Variants in DAB1 observed in about 807,000 individuals in gnomAD.
DAB1 encodes DAB adaptor protein 1.
In DAB1, 15 loss-of-function variants were observed where a neutral mutation model predicts 64.6. That is an observed-to-expected ratio of 0.23 (90% CI 0.16 to 0.36). The LOEUF (loss-of-function observed/expected upper bound fraction) is 0.36. Among genes scored for constraint, DAB1 ranks in the 10% least tolerant of loss-of-function variants. DAB1 has a pLI of 1.00. For synonymous variants in DAB1, 235 were observed against 251.9 expected (o/e 0.93, Z 0.64); for missense variants, 596 against 706.7 (o/e 0.84, Z 1.78).
intron 7 of DAB1, among the ~76,000 whole-genome samples, chr1:57,515,217 T>C (rs1644450078): frequency 1.3e-5 from 2 of 152,202 alleles, no homozygotes; most frequent in Non-Finnish European, 2.9e-5. Flanking sequence ...AATCAAGCCC[T>C]GTAGCAATAT....
At chr1:58,249,146 G>A (rs1040541655) in intron 4 of DAB1, among the ~76,000 whole-genome samples, 1 of 152,026 alleles carries the variant, frequency 6.6e-6, no homozygotes, top group Non-Finnish European at 1.5e-5. Flanking sequence ...ATACTGCGCT[G>A]CCAAGGGTTA....
intron 7 of DAB1, among the ~76,000 whole-genome samples, chr1:57,504,986 GATGATGAA>G (rs1197228320): frequency 2.0e-5 from 3 of 152,182 alleles, no homozygotes; most frequent in Non-Finnish European, 2.9e-5. Context: ...AAGAAGACAT[GATGATGAA>G]ATGCACTGTG....
At chr1:58,101,711 T>G (rs1651335345) in intron 5 of DAB1, among the ~76,000 whole-genome samples, 1 of 152,248 alleles carries the variant, frequency 6.6e-6, no homozygotes, top group South Asian at 2.1e-4. Context: ...ACTTTCTTTA[T>G]CTGTAAATAT....
At chr1:57,182,141 T>G (rs1478327793) in intron 2 of DAB1, among the ~76,000 whole-genome samples, 1 of 152,170 alleles carries the variant, frequency 6.6e-6, no homozygotes, top group Non-Finnish European at 1.5e-5. Context: ...CGCCTTGGCC[T>G]CCCAAATTGT....
At chr1:58,017,448 C>G (rs1188001) in intron 5 of DAB1, among the ~76,000 whole-genome samples, 60,191 of 151,976 alleles carry the variant, frequency 0.4, 12,886 homozygotes, top group East Asian at 0.68. Flanking sequence ...CAAAATCATG[C>G]ATGGTCAGGT....
Position 58,389,093 on chromosome 1 carries a change from A to G in DAB1, n.258-45690T>C, listed in dbSNP as rs41447944. ...TGGAGGGTCATCAATCCTTCATGAA[A>G]ACACGTGCTTTCCAGTTGTTTGGCA... On this transcript the variant is annotated intron_variant and non_coding_transcript_variant, in intron 3 of 20. Transcript: ENST00000485760. Among the ~76,000 whole-genome samples, 740 of 152,248 alleles carry G rather than the reference A, an allele frequency of 4.9e-3. 4 individuals carry two copies. Among genetic ancestry groups the G allele is most frequent in the African/African-American group, 0.017 (721 of 41,556 alleles).
rs749525027 is a variant in DAB1, at chr1:58,506,256, A to G, written n.108-47T>C. The G allele has an allele frequency of 6.2e-6, 5 of 812,198 alleles. No individual in the cohort carries two copies. The Admixed American group carries it at 9.8e-5, about 16-fold the overall frequency. 50.3% of individuals were successfully genotyped at this position (812,198 alleles called of 1,614,324 possible). A position where few individuals can be genotyped will look rare whatever the true frequency, so the allele number is the denominator to read the frequency against. ...CCACACAATGAGCTCAGTTTTGAGG[A>G]TTTTTTAAAAACTACTACTTTATTT... On this transcript the variant is annotated intron_variant and non_coding_transcript_variant, in intron 2 of 20. Transcript: ENST00000485760.
chr1:57,758,062 C>T (rs1402826405), intron 6 of DAB1, among the ~76,000 whole-genome samples: 1 of 152,196 alleles, frequency 6.6e-6, no homozygotes, highest in Non-Finnish European at 1.5e-5. Context: ...AGCAATTCTG[C>T]TGCCTCAGCC....
At chr1:57,237,476 T>G (rs1668180172) in intron 2 of DAB1, among the ~76,000 whole-genome samples, 1 of 152,210 alleles carries the variant, frequency 6.6e-6, no homozygotes, top group Non-Finnish European at 1.5e-5. Flanking sequence ...GAAATAGATT[T>G]CCTTTCTCTC....
intron 7 of DAB1, among the ~76,000 whole-genome samples, chr1:57,432,973 TATC>T (rs1338821773): frequency 6.6e-6 from 1 of 152,162 alleles, no homozygotes; most frequent in Non-Finnish European, 1.5e-5. Context: ...AAACTTAAAA[TATC>T]ATTTATAATA....
chr1:57,926,426 G>T (rs1408460580), intron 5 of DAB1, among the ~76,000 whole-genome samples: 1 of 152,108 alleles, frequency 6.6e-6, no homozygotes, highest in Non-Finnish European at 1.5e-5. Context: ...CTGGACTTAG[G>T]GGCCTGGAGC....
At chr1:57,735,119 A>G (rs1190529806) in intron 6 of DAB1, among the ~76,000 whole-genome samples, 1 of 152,140 alleles carries the variant, frequency 6.6e-6, no homozygotes, top group African/African-American at 2.4e-5. Context: ...CAATTCCCCA[A>G]TGCCATTTCC....
chr1:57,423,036 G>A (rs1408404140), intron 1 of DAB1, among the ~76,000 whole-genome samples: 1 of 151,590 alleles, frequency 6.6e-6, no homozygotes, highest in African/African-American at 2.4e-5. Flanking sequence ...CCTTTCAGAC[G>A]CCGCGACACG....
intron 6 of DAB1, among the ~76,000 whole-genome samples, chr1:57,713,808 T>C (rs1647052860): frequency 6.6e-6 from 1 of 152,148 alleles, no homozygotes; most frequent in African/African-American, 2.4e-5. Flanking sequence ...AGCCTAGTAA[T>C]CATGAAAAGA....
chr1:57,720,700 A>G (rs148917651), intron 6 of DAB1, among the ~76,000 whole-genome samples: 4 of 152,370 alleles, frequency 2.6e-5, no homozygotes, highest in Non-Finnish European at 4.4e-5. Flanking sequence ...CATGGTACAT[A>G]AATAGGAGGT....
At chr1:57,849,077 C>G (rs576253448) in intron 1 of DAB1, among the ~76,000 whole-genome samples, 1 of 152,190 alleles carries the variant, frequency 6.6e-6, no homozygotes, top group Non-Finnish European at 1.5e-5. Flanking sequence ...AAATGTGCCT[C>G]TCTTGCAGCT....
Position 57,167,848 on chromosome 1 carries a change from T to C in DAB1, c.68-22419A>G, listed in dbSNP as rs117323150. Among the ~76,000 whole-genome samples, 10 of 152,316 alleles carry C rather than the reference T, an allele frequency of 6.6e-5. No homozygotes were observed. The East Asian group carries it at 1.9e-3, about 29-fold the overall frequency. On this transcript the variant is annotated intron_variant, in intron 2 of 14. Transcript: ENST00000371236. ...TGTGCAGTGACTTGCAGGTCTGGTA[T>C]ACCTGTTGTAATTCTTAGCATTGTT...
At chr1:57,470,220 G>C (rs979373571) in intron 7 of DAB1, among the ~76,000 whole-genome samples, 1 of 152,206 alleles carries the variant, frequency 6.6e-6, no homozygotes, top group Non-Finnish European at 1.5e-5. Flanking sequence ...TGACTCCAGT[G>C]CATGCTCATG....
At chr1:57,879,633 GT>G (rs1316985042) in intron 1 of DAB1, among the ~76,000 whole-genome samples, 1 of 152,096 alleles carries the variant, frequency 6.6e-6, no homozygotes, top group East Asian at 1.9e-4. Flanking sequence ...ATCAAGCCTA[GT>G]TTTCAGCACA....
Sources: allele counts gnomAD v4.1 joint callset (sites outside exome capture counted in the v4.1 genomes callset), GRCh38; gene constraint gnomAD v4.1.1; transcripts MANE v1.5; gene names NCBI Gene and HGNC (gene_info 2026-07-23, HGNC 2026-07-21).